Variants in MAL2 observed in about 807,000 individuals in gnomAD.
The protein encoded by MAL2 is protein MAL2.
MAL2 carries 17 observed loss-of-function variants against 18.1 expected under a neutral mutation model. The ratio of observed to expected loss-of-function variants is 0.94; its 90% CI spans 0.64 to 1.41. The LOEUF is 1.41. Ranked by LOEUF, MAL2 falls within the 40% of genes most tolerant of loss-of-function variation. The pLI, the probability that MAL2 is intolerant of heterozygous loss-of-function variation, is 0.00. For synonymous variants in MAL2, 102 were observed against 102.3 expected (o/e 1.00, Z 0.02); for missense variants, 222 against 231.9 (o/e 0.96, Z 0.28).
chr8:119,213,869 ATAAAC>A (rs1480000160), intron 1 of MAL2, among the ~76,000 whole-genome samples: 1 of 152,214 alleles, frequency 6.6e-6, no homozygotes, highest in Non-Finnish European at 1.5e-5. Flanking sequence ...ATAAGGGAAA[ATAAAC>A]CAATGCCCCT....
At chr8:119,243,379 T>C (rs1361539089) in intron 3 of MAL2, 38 bp from the exon 4 acceptor site, 2 of 1,517,644 alleles carry the variant, frequency 1.3e-6, no homozygotes, top group Non-Finnish European at 1.8e-6. Flanking sequence ...AAGTCGGTGT[T>C]GTAAATCTGA....
chr8:119,231,037 T>G (rs867022725), intron 2 of MAL2, among the ~76,000 whole-genome samples: 4 of 152,096 alleles, frequency 2.6e-5, no homozygotes, highest in Non-Finnish European at 4.4e-5. Flanking sequence ...TTTTTTTATT[T>G]TTTGTTTGTT....
chr8:119,222,481 A>G (rs574750232), intron 2 of MAL2, among the ~76,000 whole-genome samples: 1 of 150,804 alleles, frequency 6.6e-6, no homozygotes, highest in South Asian at 2.1e-4. Context: ...AGATTGTGCC[A>G]CTGTACTCCA....
intron 3 of MAL2, among the ~76,000 whole-genome samples, chr8:119,241,506 A>G (rs577861820): frequency 4.6e-5 from 7 of 152,154 alleles, no homozygotes; most frequent in Non-Finnish European, 1.0e-4. Flanking sequence ...GAGAAAGATA[A>G]CTAGTATGAC....
chr8:119,218,677 C>T (rs1462584906), intron 1 of MAL2, among the ~76,000 whole-genome samples: 5 of 152,088 alleles, frequency 3.3e-5, no homozygotes, highest in African/African-American at 4.8e-5. Flanking sequence ...GCAGTAGGTT[C>T]GGGGCTGGCC....
At chr8:119,237,204 C>A (rs1817925448) in intron 2 of MAL2, among the ~76,000 whole-genome samples, 1 of 150,536 alleles carries the variant, frequency 6.6e-6, no homozygotes, top group Admixed American at 6.6e-5. Context: ...TGGATACATT[C>A]CTCGACACAT....
intron 2 of MAL2, among the ~76,000 whole-genome samples, chr8:119,227,673 A>G (rs1301421661): frequency 6.6e-6 from 1 of 152,202 alleles, no homozygotes; most frequent in Non-Finnish European, 1.5e-5. Flanking sequence ...GCAGTGCACA[A>G]TTAGATGCTC....
intron 1 of MAL2, chr8:119,215,616 A>C (rs961451742): frequency 1.3e-5 from 2 of 152,260 alleles, no homozygotes; most frequent in Non-Finnish European, 2.9e-5. Flanking sequence ...GCACCTGGCC[A>C]GGGAAGTCTT....
At chr8:119,243,394 A>G in intron 3 of MAL2, 23 bp from the exon 4 acceptor site, 1 of 1,556,672 alleles carries the variant, frequency 6.4e-7, no homozygotes, top group Non-Finnish European at 8.7e-7. Flanking sequence ...ATCTGATGTG[A>G]ATTTTTGTTT....
chr8:119,222,162 A>T (rs1354155591), intron 2 of MAL2, among the ~76,000 whole-genome samples: 1 of 152,168 alleles, frequency 6.6e-6, no homozygotes, highest in Non-Finnish European at 1.5e-5. Context: ...CAGAAAACAA[A>T]TACTTAGAAA....
rs78531575 is a variant in MAL2, at chr8:119,221,899, G to C, written c.303+142G>C. The C allele has an allele frequency of 3.5e-6, 3 of 867,200 alleles. No individual in the cohort carries two copies. The African/African-American group carries it at 5.1e-5, about 15-fold the overall frequency. The allele number at this position is 867,200 out of a possible 1,614,324, so 53.7% of individuals were successfully genotyped here. A position where few individuals can be genotyped will look rare whatever the true frequency, so the allele number is the denominator to read the frequency against. Reference sequence around the variant, plus strand: ...ACCACAGAGACTGCTGTGGTGCTGCGGTGGTGTGTGGCTGCCTTGATGGAC... The same window carrying C: ...ACCACAGAGACTGCTGTGGTGCTGCCGTGGTGTGTGGCTGCCTTGATGGAC... On this transcript the variant is annotated intron_variant, in intron 2 of 3. Coordinates refer to ENST00000614891, the MANE Select transcript of MAL2 (RefSeq NM_052886.3).
intron 1 of MAL2, among the ~76,000 whole-genome samples, chr8:119,218,370 C>T (rs964751827): frequency 6.6e-5 from 10 of 152,048 alleles, no homozygotes; most frequent in African/African-American, 1.7e-4. Context: ...ACGATAAGAA[C>T]GGTTAGTCTA....
intron 2 of MAL2, among the ~76,000 whole-genome samples, chr8:119,237,072 A>C (rs985454608): frequency 2.3e-4 from 35 of 152,320 alleles, no homozygotes; most frequent in African/African-American, 8.2e-4. Flanking sequence ...AAAAAGAAGA[A>C]TCAAATAGAC....
chr8:119,211,854 C>T (rs1261880008), intron 1 of MAL2, among the ~76,000 whole-genome samples: 3 of 149,442 alleles, frequency 2.0e-5, no homozygotes, highest in Admixed American at 2.0e-4. Flanking sequence ...AGCCTTTTAG[C>T]TTAGAATGGA....
intron 2 of MAL2, among the ~76,000 whole-genome samples, chr8:119,230,738 A>ATTTTTCTTACTAAGAT (rs1160518299): frequency 6.6e-6 from 1 of 152,130 alleles, no homozygotes; most frequent in Non-Finnish European, 1.5e-5. Context: ...TTTTCTCTTA[A>ATTTTTCTTACTAAGAT]TTTTTCTTAC....
Position 119,208,481 on chromosome 8 carries a change from C to T in MAL2, c.9C>T (p.Ala3=). 7.9e-7 allele frequency: 1 copy of T among 1,272,450 alleles called. No homozygotes were observed. Among genetic ancestry groups the T allele is most frequent in the Non-Finnish European group, 9.9e-7 (1 of 1,008,778 alleles). The allele number at this position is 1,272,450 out of a possible 1,614,324, so 78.8% of individuals were successfully genotyped here. ...GCAGCGGCAGCGGCAGCATGTCGGC[C>T]GGCGGAGCGTCAGTCCCGCCGCCCC... The part of the protein sequence containing the change: MS[A]GGASVPPPPN... The change falls in exon 1 of 4, where the codon GCC becomes GCT. Residue 3 remains alanine (A), a synonymous_variant. Transcript: ENST00000614891. The surrounding 1 kb of genome is among the most constrained non-coding windows in gnomAD (Gnocchi z 4.3).
At chr8:119,222,070 T>C (rs1817474629) in intron 2 of MAL2, among the ~76,000 whole-genome samples, 1 of 152,200 alleles carries the variant, frequency 6.6e-6, no homozygotes, top group Admixed American at 6.5e-5. Flanking sequence ...ATTGAACAAA[T>C]GCCTTTGGGA....
At chr8:119,212,426 T>C (rs1817281614) in intron 1 of MAL2, among the ~76,000 whole-genome samples, 1 of 152,204 alleles carries the variant, frequency 6.6e-6, no homozygotes, top group Admixed American at 6.5e-5. Flanking sequence ...CCATAGTAAT[T>C]TTCATTTACT....
chr8:119,231,697 T>G (rs1426777619), intron 2 of MAL2, among the ~76,000 whole-genome samples: 1 of 152,148 alleles, frequency 6.6e-6, no homozygotes, highest in East Asian at 1.9e-4. Context: ...TAAAGGCCAG[T>G]AGATGAATGG....
Sources: allele counts gnomAD v4.1 joint callset (sites outside exome capture counted in the v4.1 genomes callset), GRCh38; gene constraint gnomAD v4.1.1; non-coding constraint Gnocchi (gnomAD v3.1); transcripts MANE v1.5; gene names NCBI Gene and HGNC (gene_info 2026-07-23, HGNC 2026-07-21).